Variants in BRAP observed in about 807,000 individuals in gnomAD.
BRAP encodes BRCA1-associated protein.
A neutral mutation model predicts 73.4 loss-of-function variants in BRAP; 42 were observed. The ratio of observed to expected loss-of-function variants is 0.57; its 90% confidence interval spans 0.45 to 0.74. The LOEUF (loss-of-function observed/expected upper bound fraction) is 0.74. Among genes scored for constraint, BRAP ranks in the 30% least tolerant of loss-of-function variants. The pLI is 0.00. For synonymous variants in BRAP, 255 were observed against 267.4 expected, an observed-to-expected ratio of 0.95 and a Z score of 0.45; for missense variants, 593 against 751.4, an observed-to-expected ratio of 0.79 and a Z score of 2.46.
rs373638513 is a variant in BRAP, at chr12:111,682,705, A to G, written c.244+441T>C. Among the ~76,000 whole-genome samples, 367 of 152,108 alleles carry G rather than the reference A, an allele frequency of 2.4e-3. 3 individuals carry two copies. Among genetic ancestry groups the G allele is most frequent in the South Asian group, 0.016 (75 of 4,814 alleles). The stretch of plus-strand genomic sequence containing the variant: ...GGCAGGTGGATCACTTGAGACCAGG[A>G]GTATGAGACCAGCCTGGCTAACATG... On this transcript the variant is annotated intron_variant, in intron 2 of 11. Coordinates refer to ENST00000419234, the MANE Select transcript of BRAP (RefSeq NM_006768.5).
At position 111,655,789 on chromosome 12, in the gene BRAP, T is replaced by C. The variant is rs572438359; in HGVS notation, c.1222-134A>G. 1.2e-5 allele frequency: 8 copies of C among 684,934 alleles called. No homozygotes were observed. The South Asian group carries it at 1.4e-4, about 12-fold the overall frequency. 42.4% of individuals were successfully genotyped at this position (684,934 alleles called of 1,614,324 possible). On this transcript the variant is annotated intron_variant, in intron 9 of 11. Transcript: ENST00000419234. ...ACAGAATGTATATTTACGCCCTGGT[T>C]CTACTCTACTCAATATATACTGGAC...
intron 10 of BRAP, 99 bp downstream of exon 10, chr12:111,655,467 G>A: frequency 1.1e-6 from 1 of 952,158 alleles, no homozygotes; most frequent in Non-Finnish European, 1.6e-6. Context: ...AAGGGAAGAT[G>A]GTAAGATTCC....
chr12:111,660,864 G>C (rs1267878122), intron 6 of BRAP, among the ~76,000 whole-genome samples, 189 bp from the exon 7 acceptor site: 1 of 152,126 alleles, frequency 6.6e-6, no homozygotes, highest in Non-Finnish European at 1.5e-5. Context: ...ACAGAGAACA[G>C]AGAAATTGGG....
In BRAP at chr12:111,649,812, C is replaced by T. The variant is rs192958819; in HGVS notation, c.1415+127G>A. The stretch of plus-strand genomic sequence containing the variant: ...TTTTTTAATAAACGAGAAGCCTGTT[C>T]CATATATAGGGAGACTCCTGAAAAC... On this transcript the variant is annotated intron_variant, in intron 11 of 11. Transcript: ENST00000419234. The T allele has an allele frequency of 1.2e-3, 720 of 612,008 alleles. 4 individuals are homozygous for T. The highest frequency in any genetic ancestry group is 1.7e-3 in the Non-Finnish European group (633 of 363,328). 37.9% of individuals were successfully genotyped at this position (612,008 alleles called of 1,614,324 possible). A position where few individuals can be genotyped will look rare whatever the true frequency, so the allele number is the denominator to read the frequency against.
At position 111,672,598 on chromosome 12, in the gene BRAP, T is replaced by C. The variant is rs1234367957; in HGVS notation, c.747+63A>G. The C allele has an allele frequency of 3.5e-6, 5 of 1,430,816 alleles. No individual in the cohort carries two copies. In the African/African-American group the frequency reaches 4.3e-5, roughly 12 times the overall value. 88.6% of individuals were successfully genotyped at this position (1,430,816 alleles called of 1,614,324 possible). ...TATTCTGGGTATTTCACAGATACCT[T>C]AGCATTCAATTTTACACCAATCTGA... is the stretch of plus-strand genomic sequence containing the variant. On this transcript the variant is annotated intron_variant, in intron 5 of 11. Coordinates refer to ENST00000419234, the MANE Select transcript of BRAP (RefSeq NM_006768.5).
chr12:111,655,373 C>G (rs958383309), intron 10 of BRAP, among the ~76,000 whole-genome samples, 193 bp downstream of exon 10: 7 of 151,508 alleles, frequency 4.6e-5, no homozygotes, highest in Non-Finnish European at 8.8e-5. Flanking sequence ...CCCCTAAGAC[C>G]CCAAAATATC....
chr12:111,677,263 ATTT>A (rs1190425858), intron 4 of BRAP, among the ~76,000 whole-genome samples: 1 of 151,918 alleles, frequency 6.6e-6, no homozygotes, highest in Non-Finnish European at 1.5e-5. Flanking sequence ...TTCCCAATCT[ATTT>A]CTGGGTCTTT....
At chr12:111,669,699 CCTAA>C (rs1887093247) in intron 5 of BRAP, among the ~76,000 whole-genome samples, 1 of 151,742 alleles carries the variant, frequency 6.6e-6, no homozygotes. Context: ...AATTTTGAAC[CCTAA>C]CTTATTAGTG....
At chr12:111,683,351 TC>T (rs771965651) in intron 1 of BRAP, 44 bp from the exon 2 acceptor site, 5 of 1,547,186 alleles carry the variant, frequency 3.2e-6, no homozygotes, top group African/African-American at 1.4e-5. Flanking sequence ...TAAAACAAGC[TC>T]CTCTCTGTTC....
At chr12:111,670,241 C>A in intron 5 of BRAP, 1 of 599,100 alleles carries the variant, frequency 1.7e-6, no homozygotes, top group South Asian at 1.4e-5. Context: ...CTCAATGCTG[C>A]GACTGGAACT....
chr12:111,675,951 T>C (rs1164023489), intron 4 of BRAP, among the ~76,000 whole-genome samples: 1 of 152,066 alleles, frequency 6.6e-6, no homozygotes, highest in East Asian at 1.9e-4. Context: ...TTTTCCTATG[T>C]CCTGAAGAAC....
chr12:111,669,041 CTA>C (rs757639056), intron 5 of BRAP, among the ~76,000 whole-genome samples: 3 of 152,046 alleles, frequency 2.0e-5, no homozygotes, highest in Non-Finnish European at 4.4e-5. Flanking sequence ...AAACAAATGC[CTA>C]TAAGGAAAAA....
chr12:111,656,737 CT>C (rs368363093), intron 9 of BRAP, among the ~76,000 whole-genome samples: 12 of 148,210 alleles, frequency 8.1e-5, no homozygotes, highest in African/African-American at 9.9e-5. Flanking sequence ...TTTTTTCTTT[CT>C]TTTTTTTTTG....
At chr12:111,644,891 G>C (rs1886048575) in intron 11 of BRAP, among the ~76,000 whole-genome samples, 2 of 151,742 alleles carry the variant, frequency 1.3e-5, no homozygotes, top group South Asian at 4.2e-4. Context: ...CAAGTAGCTG[G>C]GATTACAGGC....
intron 4 of BRAP, among the ~76,000 whole-genome samples, chr12:111,676,346 T>C (rs1428757169): frequency 1.3e-5 from 2 of 152,240 alleles, no homozygotes; most frequent in African/African-American, 2.4e-5. Flanking sequence ...ACCCTAACTC[T>C]GACACCTACT....
At chr12:111,682,691 C>T (rs1887651449) in intron 2 of BRAP, among the ~76,000 whole-genome samples, 2 of 151,924 alleles carry the variant, frequency 1.3e-5, no homozygotes, top group Admixed American at 1.3e-4. Context: ...GCAGGTGGAT[C>T]ACTTGAGACC....
intron 9 of BRAP, among the ~76,000 whole-genome samples, chr12:111,656,977 A>T (rs1424607259): frequency 1.3e-5 from 2 of 152,150 alleles, no homozygotes; most frequent in Non-Finnish European, 2.9e-5. Flanking sequence ...CCTGAACTCA[A>T]GCGATCAAGC....
At chr12:111,664,522 CG>C (rs1243708783) in intron 6 of BRAP, among the ~76,000 whole-genome samples, 7 of 152,194 alleles carry the variant, frequency 4.6e-5, no homozygotes, top group Non-Finnish European at 1.0e-4. Flanking sequence ...GAGGACTCCA[CG>C]GAATTGGAGC....
At chr12:111,656,595 T>C (rs1035206165) in intron 9 of BRAP, among the ~76,000 whole-genome samples, 2 of 152,170 alleles carry the variant, frequency 1.3e-5, no homozygotes, top group Non-Finnish European at 2.9e-5. Context: ...GATATAAACA[T>C]GTCTGCAGAC....
Sources: allele counts gnomAD v4.1 joint callset (sites outside exome capture counted in the v4.1 genomes callset), GRCh38; gene constraint gnomAD v4.1.1; transcripts MANE v1.5; gene names NCBI Gene and HGNC (gene_info 2026-07-23, HGNC 2026-07-21).